TSHZ2: variants seen among roughly 807,000 people sequenced by gnomAD.
The protein encoded by TSHZ2 is teashirt zinc finger homeobox 2.
Under a neutral mutation model 74.4 loss-of-function variants are expected in TSHZ2, and 21 were observed. That is an observed-to-expected ratio of 0.28 (90% CI 0.20 to 0.41). The LOEUF (loss-of-function observed/expected upper bound fraction) is 0.41. TSHZ2 is among the 10% of genes least tolerant of loss of function. TSHZ2 has a pLI of 1.00. For synonymous variants in TSHZ2, 540 were observed against 515.3 expected (o/e 1.05, Z -0.65); for missense variants, 1,244 against 1,293.5 (o/e 0.96, Z 0.59).
chr20:53,090,349 C>T (rs758982428), intron 1 of TSHZ2, among the ~76,000 whole-genome samples: 22 of 152,278 alleles, frequency 1.4e-4, no homozygotes, highest in Non-Finnish European at 2.5e-4. Context: ...TACTTGGCGT[C>T]CTTCAATTCA....
chr20:53,016,295 G>A (rs1303177565), intron 1 of TSHZ2, among the ~76,000 whole-genome samples: 1 of 152,080 alleles, frequency 6.6e-6, no homozygotes, highest in Non-Finnish European at 1.5e-5. Flanking sequence ...TCACTGTCTA[G>A]AAAGAGTCTA....
rs540791959 is a variant in TSHZ2, at chr20:53,203,078, T to C, written c.41-50421T>C. On this transcript the variant is annotated intron_variant, in intron 1 of 2. Transcript: ENST00000371497. ...AGATTCAGAGCTGTAGCTCTCCTTA[T>C]ATAACTTTAGCTGCTCCCTCAGATG... is the stretch of plus-strand genomic sequence containing the variant. Among the ~76,000 whole-genome samples the C allele has an allele frequency of 3.9e-5, 6 of 152,310 alleles. No individual in the cohort carries two copies. The South Asian group carries it at 1.2e-3, about 32-fold the overall frequency.
At chr20:53,184,982 T>TA (rs1379966969) in intron 1 of TSHZ2, among the ~76,000 whole-genome samples, 3 of 152,230 alleles carry the variant, frequency 2.0e-5, no homozygotes, top group African/African-American at 7.2e-5. Context: ...GTGCTGGGAT[T>TA]ACAGGCTTAA....
chr20:53,018,146 A>G (rs1476436943), intron 1 of TSHZ2, among the ~76,000 whole-genome samples: 1 of 152,230 alleles, frequency 6.6e-6, no homozygotes, highest in Non-Finnish European at 1.5e-5. Context: ...CAGCTGGACA[A>G]TATCACCAAG....
At position 53,372,097 on chromosome 20, in the gene TSHZ2, T is replaced by A. The variant is rs1981495276; in HGVS notation, c.*9-115047T>A. Among the ~76,000 whole-genome samples, 3 of 152,040 alleles carry A rather than the reference T, an allele frequency of 2.0e-5. No individual in the cohort carries two copies. The South Asian group carries it at 6.2e-4, about 32-fold the overall frequency. On this transcript the variant is annotated intron_variant, in intron 2 of 2. Transcript: ENST00000371497. ...TAATTGAGTCTGACCTCATCTTAAT[T>A]ACAAATGGGAAGACCCTATTTCCAA...
At chr20:53,202,609 A>C (rs1213335968) in intron 1 of TSHZ2, among the ~76,000 whole-genome samples, 1 of 152,226 alleles carries the variant, frequency 6.6e-6, no homozygotes, top group Non-Finnish European at 1.5e-5. Context: ...CTACAGATGA[A>C]GAACATAAGA....
intron 2 of TSHZ2, among the ~76,000 whole-genome samples, chr20:53,420,084 G>C (rs544519300): frequency 6.6e-6 from 1 of 152,362 alleles, no homozygotes; most frequent in East Asian, 1.9e-4. Context: ...GAAGTCTACA[G>C]ATGGACGTAA....
intron 2 of TSHZ2, among the ~76,000 whole-genome samples, chr20:53,455,727 C>A (rs944586488): frequency 6.7e-6 from 1 of 148,784 alleles, no homozygotes; most frequent in Admixed American, 6.7e-5. Flanking sequence ...CACCCCACAA[C>A]AGTCCCCAGA....
At chr20:53,068,457 G>C (rs910736134) in intron 1 of TSHZ2, among the ~76,000 whole-genome samples, 2 of 152,044 alleles carry the variant, frequency 1.3e-5, no homozygotes, top group Non-Finnish European at 2.9e-5. Flanking sequence ...CATTCTTCCT[G>C]AATTGTCTTC....
chr20:53,065,086 G>C (rs1984937612), intron 1 of TSHZ2, among the ~76,000 whole-genome samples: 2 of 152,196 alleles, frequency 1.3e-5, no homozygotes, highest in Non-Finnish European at 2.9e-5. Flanking sequence ...TGTGATCTTT[G>C]TCAATGCACT....
At chr20:53,372,818 G>C (rs6126823) in intron 2 of TSHZ2, among the ~76,000 whole-genome samples, 32,546 of 152,100 alleles carry the variant, frequency 0.21, 3,797 homozygotes, top group East Asian at 0.35. Flanking sequence ...TCCTCACTTT[G>C]AGACTTTAAG....
chr20:53,048,303 A>C (rs1281442077), intron 1 of TSHZ2, among the ~76,000 whole-genome samples: 1 of 151,966 alleles, frequency 6.6e-6, no homozygotes, highest in Non-Finnish European at 1.5e-5. Flanking sequence ...TTTTAAAAGA[A>C]GGGGAGGAGA....
intron 2 of TSHZ2, among the ~76,000 whole-genome samples, chr20:53,453,545 G>T (rs568897242): frequency 6.6e-6 from 1 of 152,278 alleles, no homozygotes; most frequent in African/African-American, 2.4e-5. Flanking sequence ...TCGTGTGATT[G>T]TGTGTGGAGT....
At chr20:53,031,855 T>C (rs1480397994) in intron 1 of TSHZ2, among the ~76,000 whole-genome samples, 1 of 151,482 alleles carries the variant, frequency 6.6e-6, no homozygotes, top group African/African-American at 2.4e-5. Flanking sequence ...GAAAATAGTC[T>C]CAGTTGTGGA....
intron 1 of TSHZ2, among the ~76,000 whole-genome samples, chr20:53,003,326 A>G (rs1274153600): frequency 6.7e-6 from 1 of 150,164 alleles, no homozygotes; most frequent in African/African-American, 2.5e-5. Flanking sequence ...AAGTCAGTGC[A>G]CCTTCCTCGC....
chr20:53,244,808 A>T (rs180807237), intron 1 of TSHZ2, among the ~76,000 whole-genome samples: 5 of 152,328 alleles, frequency 3.3e-5, no homozygotes, highest in Admixed American at 2.0e-4. Flanking sequence ...TGATGTTTGT[A>T]CATCACTTTC....
intron 1 of TSHZ2, among the ~76,000 whole-genome samples, chr20:53,038,414 C>T (rs938446586): frequency 2.6e-5 from 4 of 152,000 alleles, no homozygotes; most frequent in South Asian, 2.1e-4. Context: ...TTGCTGTTTA[C>T]GGCCTGTCTA....
chr20:53,479,254 T>C (rs6097437), intron 2 of TSHZ2, among the ~76,000 whole-genome samples: 30,628 of 151,654 alleles, frequency 0.2, 3,265 homozygotes, highest in East Asian at 0.3. Context: ...GTACAAAAAT[T>C]GCCCAAACAT....
intron 2 of TSHZ2, among the ~76,000 whole-genome samples, chr20:53,470,728 G>A (rs143064429): frequency 1.3e-5 from 2 of 152,176 alleles, no homozygotes; most frequent in African/African-American, 4.8e-5. Context: ...ACAGAGAATC[G>A]CTTGAACCCG....
Sources: allele counts gnomAD v4.1 joint callset (sites outside exome capture counted in the v4.1 genomes callset), GRCh38; gene constraint gnomAD v4.1.1; transcripts MANE v1.5; gene names NCBI Gene and HGNC (gene_info 2026-07-23, HGNC 2026-07-21).